The following NNT variants were observed in gnomAD, a reference collection of about 807,000 sequenced individuals.
The protein encoded by NNT is nicotinamide nucleotide transhydrogenase.
In NNT, 50 loss-of-function variants were observed where a neutral mutation model predicts 104.8. The observed-to-expected ratio is 0.48, with a 90% CI of 0.38 to 0.60. The LOEUF (loss-of-function observed/expected upper bound fraction) is 0.60. NNT is among the 20% of genes least tolerant of loss of function. The pLI is 0.00. For synonymous variants in NNT, 461 were observed against 490.4 expected (o/e 0.94, Z 0.79); for missense variants, 1,131 against 1,330.7 (o/e 0.85, Z 2.33).
chr5:43,609,872 T>A (rs2111779694), intron 2 of NNT, among the ~76,000 whole-genome samples: 2 of 152,340 alleles, frequency 1.3e-5, no homozygotes, highest in East Asian at 3.9e-4. Context: ...TTGCCATTGC[T>A]ACTTTTATCA....
intron 17 of NNT, among the ~76,000 whole-genome samples, chr5:43,666,364 TC>T (rs915816258): frequency 8.5e-5 from 13 of 152,210 alleles, no homozygotes; most frequent in African/African-American, 3.1e-4. Flanking sequence ...GCCGAGGCTG[TC>T]AGATCACTTG....
At chr5:43,675,989 A>C (rs1561314654) in intron 18 of NNT, among the ~76,000 whole-genome samples, 1 of 152,152 alleles carries the variant, frequency 6.6e-6, no homozygotes. Context: ...TGTCAAGATT[A>C]AATTAGATAT....
intron 5 of NNT, among the ~76,000 whole-genome samples, chr5:43,620,152 C>T (rs1250793799): frequency 6.6e-6 from 1 of 152,182 alleles, no homozygotes; most frequent in Admixed American, 6.5e-5. Flanking sequence ...AACCACAGCA[C>T]TAGGTACAGG....
At chr5:43,637,225 C>T (rs960495784) in intron 7 of NNT, among the ~76,000 whole-genome samples, 3 of 151,948 alleles carry the variant, frequency 2.0e-5, no homozygotes, top group Admixed American at 6.6e-5. Context: ...TACTATGGAG[C>T]CAGCTAAATC....
intron 9 of NNT, 127 bp from the exon 10 acceptor site, chr5:43,645,230 A>G (rs1036044267): frequency 6.9e-5 from 32 of 461,354 alleles, no homozygotes; most frequent in Non-Finnish European, 6.8e-5. Context: ...TACAAATTAT[A>G]TGAATTTATA....
rs1321556008 is a variant in NNT at position 43,609,444 on chromosome 5, C to T, written c.151+98C>T. 8.5e-6 allele frequency: 10 copies of T among 1,178,972 alleles called. No individual in the cohort carries two copies. In the African/African-American group the frequency reaches 1.5e-4, roughly 18 times the overall value. 73.0% of individuals were successfully genotyped at this position (1,178,972 alleles called of 1,614,324 possible). On this transcript the variant is annotated intron_variant, in intron 2 of 21. Coordinates refer to ENST00000344920, the MANE Select transcript of NNT (RefSeq NM_182977.3). ...AAGGAAAAGCCATGTAGTTTTATGG[C>T]CTGGTGCTTGTGAGTGATCATTTTA...
intron 3 of NNT, 168 bp downstream of exon 3, chr5:43,613,305 A>C (rs564700289): frequency 3.1e-5 from 18 of 588,494 alleles, no homozygotes; most frequent in Admixed American, 6.5e-5. Context: ...GCTCCAGTAA[A>C]ACTTTTATCA....
chr5:43,675,598 A>C lies in NNT; in HGVS notation c.2722A>C (p.Thr908Pro). 1 of 1,613,462 alleles carries C rather than the reference A, an allele frequency of 6.2e-7. No individual in the cohort carries two copies. Among genetic ancestry groups the C allele is most frequent in the Non-Finnish European group, 8.5e-7 (1 of 1,179,768 alleles). Residue 908 changes from threonine (T) to proline (P), a missense_variant, in exon 18 of 22, where the codon ACA (threonine) becomes CCA (proline). Coordinates refer to ENST00000344920, the MANE Select transcript of NNT (RefSeq NM_182977.3). ...TGGAAAACCCATGGAAATTTCTGGC[A>C]CACATACGGAAATCAACCTTGACAA... The part of the protein sequence containing the change: ...AGGKPMEISG[T>P]HTEINLDNAI...
chr5:43,679,886 TTAA>T (rs1198581643), intron 19 of NNT, among the ~76,000 whole-genome samples: 6 of 151,918 alleles, frequency 3.9e-5, no homozygotes, highest in Non-Finnish European at 5.9e-5. Flanking sequence ...TATAAATTTA[TTAA>T]TAATTTATTA....
Position 43,613,147 on chromosome 5 carries a change from C to T in NNT, c.381+10C>T. The T allele has an allele frequency of 6.3e-7, 1 of 1,594,436 alleles. No individual in the cohort carries two copies. The highest frequency in any genetic ancestry group is 8.6e-7 in the Non-Finnish European group (1 of 1,164,712). ...TGATTTGGTGGTCAAAGTAATTATT[C>T]CTTTTTCCTCTCCCATTTACAGCAT... On this transcript the variant is annotated intron_variant, in intron 3 of 21. Coordinates refer to ENST00000344920, the MANE Select transcript of NNT (RefSeq NM_182977.3).
chr5:43,623,617 C>A (rs1402043767), intron 5 of NNT, among the ~76,000 whole-genome samples: 1 of 152,014 alleles, frequency 6.6e-6, no homozygotes, highest in Admixed American at 6.6e-5. Context: ...GTTTGATGAA[C>A]AAAGAAAAAC....
intron 3 of NNT, among the ~76,000 whole-genome samples, chr5:43,614,327 C>T (rs746551790): frequency 6.6e-5 from 10 of 152,166 alleles, no homozygotes; most frequent in Non-Finnish European, 1.3e-4. Context: ...ACTTCTTGAT[C>T]TTGGGGGCCT....
At chr5:43,701,409 G>A (rs991880289) in intron 20 of NNT, among the ~76,000 whole-genome samples, 2 of 152,094 alleles carry the variant, frequency 1.3e-5, no homozygotes, top group Admixed American at 1.3e-4. Context: ...GAAAGGACAC[G>A]ATTTCCATCC....
intron 13 of NNT, 121 bp downstream of exon 13, chr5:43,652,005 A>G (rs940537220): frequency 8.6e-6 from 9 of 1,046,454 alleles, no homozygotes; most frequent in Non-Finnish European, 1.3e-5. Context: ...AGCAAATACA[A>G]CAATAACCCT....
chr5:43,657,672 A>C (rs1431273095), intron 16 of NNT, among the ~76,000 whole-genome samples: 3 of 152,242 alleles, frequency 2.0e-5, no homozygotes, highest in Non-Finnish European at 2.9e-5. Flanking sequence ...TTAACACAGA[A>C]ATTTTAGAAC....
intron 4 of NNT, 145 bp downstream of exon 4, chr5:43,616,210 G>T: frequency 1.5e-6 from 1 of 673,878 alleles, no homozygotes; most frequent in Non-Finnish European, 2.5e-6. Flanking sequence ...AATTATTTTT[G>T]ACTCATTTTA....
At chr5:43,636,602 A>G (rs970108379) in intron 7 of NNT, among the ~76,000 whole-genome samples, 3 of 152,216 alleles carry the variant, frequency 2.0e-5, no homozygotes, top group African/African-American at 7.2e-5. Flanking sequence ...CAGAATGCGT[A>G]ATACAATTTT....
chr5:43,673,981 C>G (rs1466592860), intron 17 of NNT, among the ~76,000 whole-genome samples: 1 of 150,688 alleles, frequency 6.6e-6, no homozygotes, highest in Admixed American at 6.6e-5. Flanking sequence ...GATCATTCCA[C>G]TGCACTCCAG....
chr5:43,682,274 G>C (rs1186915058), intron 19 of NNT, among the ~76,000 whole-genome samples: 1 of 130,766 alleles, frequency 7.6e-6, no homozygotes, highest in East Asian at 2.4e-4. Context: ...TCAGTGGTGT[G>C]ATCTCGGCTC....
Sources: gnomAD v4.1 joint callset for allele counts (sites outside exome capture counted in the v4.1 genomes callset) on GRCh38, gnomAD v4.1.1 for gene constraint, MANE v1.5 for transcripts, NCBI Gene and HGNC (gene_info 2026-07-23, HGNC 2026-07-21) for gene names.